ABCA9: variants seen among roughly 807,000 people sequenced by gnomAD.
The protein encoded by ABCA9 is ATP binding cassette subfamily A member 9, also known as ATP-binding cassette sub-family A member 9.
ABCA9 carries 183 observed loss-of-function variants against 205.3 expected under a neutral mutation model. The observed-to-expected ratio is 0.89, with a 90% CI of 0.79 to 1.01. The LOEUF is 1.01. ABCA9 is among the 50% of genes least tolerant of loss of function. The pLI, the probability that ABCA9 is intolerant of heterozygous loss-of-function variation, is 0.00. For missense variants in ABCA9, 1,805 were observed against 1,912.4 expected, an observed-to-expected ratio of 0.94 and a Z score of 1.05; for synonymous variants, 651 against 683.3, an observed-to-expected ratio of 0.95 and a Z score of 0.74.
chr17:69,005,322 T>C (rs1272168545), intron 25 of ABCA9, among the ~76,000 whole-genome samples: 1 of 152,152 alleles, frequency 6.6e-6, no homozygotes, highest in East Asian at 1.9e-4. Context: ...TCACCCTACC[T>C]AGTAGGCAGT....
Position 69,038,822 on chromosome 17 carries a change from C to T in ABCA9, c.801-3021G>A, listed in dbSNP as rs117706287. Among the ~76,000 whole-genome samples, 272 of 152,232 alleles carry T rather than the reference C, an allele frequency of 1.8e-3. 1 individual carries two copies. Among genetic ancestry groups the T allele is most frequent in the Admixed American group, 5.0e-3 (77 of 15,280 alleles). On this transcript the variant is annotated intron_variant, in intron 6 of 38. Coordinates refer to ENST00000340001, the MANE Select transcript of ABCA9 (RefSeq NM_080283.4). Reference sequence around the variant, plus strand: ...TGATTGTATATTTAGAAATCTCCATCGTCTCAGCCCAAAAACTCCTTAAGT... The same window carrying T: ...TGATTGTATATTTAGAAATCTCCATTGTCTCAGCCCAAAAACTCCTTAAGT...
chr17:68,988,872 G>C lies in ABCA9; in HGVS notation c.4047+155C>G, dbSNP rs114713825. Among the ~76,000 whole-genome samples, 576 of 152,258 alleles carry C rather than the reference G, an allele frequency of 3.8e-3. 4 individuals are homozygous for C. The highest frequency in any genetic ancestry group is 0.013 in the African/African-American group (554 of 41,540). On this transcript the variant is annotated intron_variant, in intron 31 of 38. Transcript: ENST00000340001. Reference sequence around the variant, plus strand: ...ATGTAGCCCTTCTCAGAAACAAACTGTTTTTGGAATTAAGTATATAAATTT... The same window carrying C: ...ATGTAGCCCTTCTCAGAAACAAACTCTTTTTGGAATTAAGTATATAAATTT...
chr17:69,071,940 G>A, the ABCA9 span, among the ~76,000 whole-genome samples: 1 of 152,282 alleles, frequency 6.6e-6, no homozygotes, highest in East Asian at 1.9e-4. Context: ...CGAGAACTTT[G>A]TGAAGCATAC....
Position 68,975,012 on chromosome 17 carries a change from C to T in ABCA9, c.*903G>A, listed in dbSNP as rs959364324. 4 of 152,072 alleles carry T rather than the reference C, an allele frequency of 2.6e-5. No homozygotes were observed. Among genetic ancestry groups the T allele is most frequent in the African/African-American group, 9.7e-5 (4 of 41,442 alleles). 9.4% of individuals were successfully genotyped at this position (152,072 alleles called of 1,614,324 possible). A position where few individuals can be genotyped will look rare whatever the true frequency, so the allele number is the denominator to read the frequency against. ...ATGCTATCCCTCCCCTAGCCCCCAT[C>T]CCCCCAACAGGCCCCAGGGTGTGGT... On this transcript the variant is annotated 3_prime_UTR_variant, in exon 39 of 39. Transcript: ENST00000340001.
At chr17:69,067,027 A>G in the ABCA9 span, among the ~76,000 whole-genome samples, 2 of 152,228 alleles carry the variant, frequency 1.3e-5, no homozygotes, top group Non-Finnish European at 2.9e-5. Context: ...AGTGACTTAA[A>G]GACTTGACAG....
chr17:69,076,587 G>T, the ABCA9 span, among the ~76,000 whole-genome samples: 37 of 152,150 alleles, frequency 2.4e-4, no homozygotes, highest in African/African-American at 8.9e-4. Context: ...CAGTAAAATT[G>T]CTCAGCTCTT....
chr17:69,045,148 A>T (rs748930676), intron 4 of ABCA9, 24 bp downstream of exon 4: 316 of 1,605,700 alleles, frequency 2.0e-4, no homozygotes, highest in African/African-American at 1.1e-3. Flanking sequence ...AGCAAAAAAA[A>T]TTTTTTTCTT....
rs748514372 is a variant in ABCA9 at position 68,984,944 on chromosome 17, T to C, written c.4320A>G (p.Ser1440=). The change falls in exon 34 of 39, where the codon TCA becomes TCG. Residue 1440 remains serine, a synonymous_variant. Transcript: ENST00000340001. ...CFVLSILGNP[S]VVLLDEPSTG... is the part of the protein sequence containing the mutation. ...TCGACGGCTCATCCAGAAGCACCAC[T>C]GACGGGTTCCCCAGGATGCTCAGCA... is the stretch of plus-strand genomic sequence containing the variant. 43 of 1,614,040 alleles carry C rather than the reference T, an allele frequency of 2.7e-5. No individual in the cohort carries two copies. Among genetic ancestry groups the C allele is most frequent in the Non-Finnish European group, 3.4e-5 (40 of 1,180,034 alleles).
intron 3 of ABCA9, among the ~76,000 whole-genome samples, chr17:69,046,716 C>T (rs529178094): frequency 6.6e-5 from 10 of 151,420 alleles, no homozygotes; most frequent in African/African-American, 2.4e-4. Context: ...TTATCACACA[C>T]TCAAGACAAG....
chr17:68,991,855 G>A (rs191358466), intron 28 of ABCA9, among the ~76,000 whole-genome samples: 23 of 152,082 alleles, frequency 1.5e-4, no homozygotes, highest in African/African-American at 5.1e-4. Context: ...CTTCCTTCCC[G>A]GATTGGATTA....
At chr17:69,078,210 GT>G in the ABCA9 span, among the ~76,000 whole-genome samples, 18 of 141,400 alleles carry the variant, frequency 1.3e-4, no homozygotes, top group East Asian at 4.1e-4. Flanking sequence ...TGTTTTTGTT[GT>G]TTTTTTTTTT....
At chr17:69,009,978 C>T (rs957645096) in intron 23 of ABCA9, among the ~76,000 whole-genome samples, 1 of 152,042 alleles carries the variant, frequency 6.6e-6, no homozygotes, top group Non-Finnish European at 1.5e-5. Flanking sequence ...CATATTAAAT[C>T]TTAACTGGGT....
In ABCA9 at chr17:68,986,117, T is replaced by G. The variant is rs771612992; in HGVS notation, c.4208+47A>C. 2.6e-6 allele frequency: 4 copies of G among 1,542,434 alleles called. No homozygotes were observed. The Admixed American group carries it at 7.8e-5, about 30-fold the overall frequency. The stretch of plus-strand genomic sequence containing the variant: ...CTTCATTTTGTGTGTATGTTATTAA[T>G]ACAACATCCCCTCCAGCAAAGGGGA... On this transcript the variant is annotated intron_variant, in intron 32 of 38. Coordinates refer to ENST00000340001, the MANE Select transcript of ABCA9 (RefSeq NM_080283.4).
upstream of ABCA9, among the ~76,000 whole-genome samples, chr17:69,063,033 G>T (rs77793880): frequency 6.6e-6 from 1 of 151,888 alleles, no homozygotes; most frequent in East Asian, 1.9e-4. Context: ...CCCATTTTAC[G>T]GACCAGAAAG....
In ABCA9 at chr17:69,029,245, A is replaced by C. The variant is rs760550535; in HGVS notation, c.1446-18T>G. The C allele has an allele frequency of 6.7e-7, 1 of 1,484,920 alleles. No homozygotes were observed. The highest frequency in any genetic ancestry group is 9.3e-7 in the Non-Finnish European group (1 of 1,080,150). The allele number at this position is 1,484,920 out of a possible 1,614,324, so 92.0% of individuals were successfully genotyped here. A position where few individuals can be genotyped will look rare whatever the true frequency, so the allele number is the denominator to read the frequency against. ...TTTTGATTCTGAAAAAAAGAGGGAA[A>C]TGTTTTCAGAGAATTGTAAAAATGT... On this transcript the variant is annotated intron_variant, in intron 10 of 38. Transcript: ENST00000340001.
intron 5 of ABCA9, among the ~76,000 whole-genome samples, 193 bp downstream of exon 5, chr17:69,044,304 T>C (rs891547958): frequency 5.3e-5 from 8 of 152,212 alleles, no homozygotes; most frequent in Non-Finnish European, 8.8e-5. Context: ...CCAGTATCCC[T>C]GGAGAAAAAT....
chr17:69,054,491 G>A (rs1185308485), intron 1 of ABCA9, among the ~76,000 whole-genome samples: 5 of 146,166 alleles, frequency 3.4e-5, no homozygotes, highest in Non-Finnish European at 6.0e-5. Flanking sequence ...TGGTGACCCC[G>A]CACTCCAGCC....
chr17:69,062,083 C>CAGCA (rs952111348), upstream of ABCA9, among the ~76,000 whole-genome samples: 1 of 151,094 alleles, frequency 6.6e-6, no homozygotes, highest in African/African-American at 2.4e-5. Context: ...AGAAGTTGCT[C>CAGCA]AGCAAGCAGT....
At chr17:69,028,223 G>A (rs868410474) in intron 12 of ABCA9, among the ~76,000 whole-genome samples, 2 of 152,108 alleles carry the variant, frequency 1.3e-5, no homozygotes, top group Non-Finnish European at 2.9e-5. Flanking sequence ...CTGGAGTGCT[G>A]TGGCACGATC....
Sources: allele counts gnomAD v4.1 joint callset (sites outside exome capture counted in the v4.1 genomes callset), GRCh38; gene constraint gnomAD v4.1.1; transcripts MANE v1.5; gene names NCBI Gene and HGNC (gene_info 2026-07-23, HGNC 2026-07-21).